Variants in DNHD1 observed in about 807,000 individuals in gnomAD.
DNHD1 encodes dynein heavy chain domain 1.
In DNHD1, 383 loss-of-function variants were observed where a neutral mutation model predicts 458.1. That is an observed-to-expected ratio of 0.84 (90% CI 0.77 to 0.91). The LOEUF (loss-of-function observed/expected upper bound fraction) is 0.91, where lower values mean the gene tolerates loss of function less well. Ranked by LOEUF, DNHD1 falls within the 40% of genes least tolerant of loss-of-function variation. DNHD1 has a pLI of 0.00. For synonymous variants in DNHD1, 2,203 were observed against 2,376.9 expected, an observed-to-expected ratio of 0.93 and a Z score of 2.13; for missense variants, 5,336 against 5,866.1, an observed-to-expected ratio of 0.91 and a Z score of 2.95.
Position 6,565,885 on chromosome 11 carries a change from G to T in DNHD1, c.10947G>T (p.Gly3649=), listed in dbSNP as rs1490795512. The T allele has an allele frequency of 2.6e-6, 4 of 1,551,560 alleles. No homozygotes were observed. Among genetic ancestry groups the T allele is most frequent in the Non-Finnish European group, 3.5e-6 (4 of 1,146,998 alleles). Reference sequence around the variant, plus strand: ...AGGAGGAGAAGACAGAGAGCCAGGGGTCAAAGCCAGCCTATGAGACTCAGC... The same window carrying T: ...AGGAGGAGAAGACAGAGAGCCAGGGTTCAAAGCCAGCCTATGAGACTCAGC... ...EKEEEKTESQ[G]SKPAYETQLP... is the part of the protein sequence containing the mutation. The change falls in exon 33 of 43, where the codon GGG becomes GGT. Residue 3649 remains glycine, a synonymous_variant. Coordinates refer to ENST00000254579, the MANE Select transcript of DNHD1 (RefSeq NM_144666.3).
Position 6,570,231 on chromosome 11 carries a change from C to G in DNHD1, c.12956-16C>G. On this transcript the variant is annotated splice_polypyrimidine_tract_variant and intron_variant, in intron 40 of 42. Coordinates refer to ENST00000254579, the MANE Select transcript of DNHD1 (RefSeq NM_144666.3). ...CTGAAGGTACTGGAACTGAGAGACT[C>G]TAACCTCATCTTCAGCTTCAGTTTT... 3 of 1,613,672 alleles carry G rather than the reference C, an allele frequency of 1.9e-6. No homozygotes were observed. Among genetic ancestry groups the G allele is most frequent in the Non-Finnish European group, 2.5e-6 (3 of 1,179,736 alleles).
At position 6,498,628 on chromosome 11, in the gene DNHD1, G is replaced by T. The variant is rs763978442; in HGVS notation, c.413G>T (p.Ser138Ile). The T allele has an allele frequency of 1.2e-6, 2 of 1,614,232 alleles. No homozygotes were observed. Among genetic ancestry groups the T allele is most frequent in the South Asian group, 2.2e-5 (2 of 91,088 alleles). ...GAIVQAFPPDSSLLDSASHAD... is the reference protein window; with the variant it reads ...GAIVQAFPPDISLLDSASHAD... ...ATTGTCCAGGCCTTTCCTCCAGACA[G>T]CTCTTTGTTAGACAGTGCTTCCCAT... Residue 138 changes from serine (S) to isoleucine (I), a missense_variant, in exon 3 of 43, where the codon AGC (serine) becomes ATC (isoleucine). Ser to Ile is a moderately radical substitution (Grantham distance 142). Transcript: ENST00000254579.
intron 3 of DNHD1, among the ~76,000 whole-genome samples, chr11:6,502,367 G>T (rs1852154484): frequency 6.6e-6 from 1 of 152,196 alleles, no homozygotes; most frequent in African/African-American, 2.4e-5. Context: ...GTTGAGCTGG[G>T]AGGGGAAATC....
intron 10 of DNHD1, among the ~76,000 whole-genome samples, chr11:6,524,006 C>T (rs1852657754): frequency 6.6e-6 from 1 of 152,130 alleles, no homozygotes; most frequent in African/African-American, 2.4e-5. Context: ...AAAATTTTCT[C>T]ATTATAAGCA....
At chr11:6,541,795 T>C (rs996262850) in intron 18 of DNHD1, among the ~76,000 whole-genome samples, 18 of 152,156 alleles carry the variant, frequency 1.2e-4, no homozygotes, top group Non-Finnish European at 8.8e-5. Context: ...GGAATGGAAA[T>C]TGAAAGATCA....
Position 6,502,822 on chromosome 11 carries a change from G to A in DNHD1, c.816G>A (p.Glu272=). The A allele has an allele frequency of 6.2e-7, 1 of 1,613,034 alleles. No homozygotes were observed. Among genetic ancestry groups the A allele is most frequent in the East Asian group, 2.2e-5 (1 of 44,814 alleles). ...FQKSSTGFSP[E]TSFLDSQVMT... ...AGAGCAGCACCGGCTTTTCACCTGA[G>A]ACTTCCTTCCTGGATAGCCAGGTGA... Residue 272 remains glutamate, a synonymous_variant, in exon 4 of 43, where the codon GAG becomes GAA. Coordinates refer to ENST00000254579, the MANE Select transcript of DNHD1 (RefSeq NM_144666.3).
intron 7 of DNHD1, among the ~76,000 whole-genome samples, chr11:6,512,373 A>G (rs1852359016): frequency 1.4e-5 from 2 of 146,262 alleles, no homozygotes; most frequent in African/African-American, 2.7e-5. Context: ...GGCACCCACC[A>G]CCATGCCCGG....
chr11:6,502,898 C>A lies in DNHD1; in HGVS notation c.892C>A (p.Leu298Ile). The A allele has an allele frequency of 1.2e-6, 2 of 1,613,776 alleles. No homozygotes were observed. Among genetic ancestry groups the A allele is most frequent in the South Asian group, 2.2e-5 (2 of 90,966 alleles). Residue 298 changes from leucine (L) to isoleucine (I), a missense_variant, in exon 4 of 43, where the codon CTC becomes ATC. Leu to Ile is a conservative substitution (Grantham distance 5). Transcript: ENST00000254579. The stretch of plus-strand genomic sequence containing the variant: ...CCTGAAGAAGATCCACTTCCTCTAT[C>A]TCAATGTGGCTCCCAGCCGGTACTT... Reference protein sequence around the residue: ...RYLKKIHFLYLNVAPSRYFRP... With the variant: ...RYLKKIHFLYINVAPSRYFRP...
rs4758423 is a variant in DNHD1 at position 6,511,289 on chromosome 11, C to T, written c.1252C>T (p.His418Tyr). The T allele has an allele frequency of 0.31, 496,109 of 1,613,994 alleles. 79,276 individuals are homozygous for T. Among genetic ancestry groups the T allele is most frequent in the Admixed American group, 0.36 (21,889 of 60,014 alleles). ...TGATTCTAGGCTTCTGCAGGAGCTACACTCTGTGTCCTGGCTACCCCAGGA... is the reference window on the plus strand; with the variant it reads ...TGATTCTAGGCTTCTGCAGGAGCTATACTCTGTGTCCTGGCTACCCCAGGA... ...LHISRLLQELHSVSWLPQELD... is the reference protein window; with the variant it reads ...LHISRLLQELYSVSWLPQELD... The change falls in exon 7 of 43, where the codon CAC becomes TAC. Residue 418 changes from histidine (H) to tyrosine (Y), a missense_variant. His to Tyr is a moderately conservative substitution (Grantham distance 83). Coordinates refer to ENST00000254579, the MANE Select transcript of DNHD1 (RefSeq NM_144666.3).
chr11:6,558,386 G>A (rs1281492458), intron 25 of DNHD1, 89 bp downstream of exon 25: 15 of 1,534,600 alleles, frequency 9.8e-6, no homozygotes, highest in Non-Finnish European at 1.3e-5. Context: ...GCTGCCATGA[G>A]GGCTGAGAAG....
intron 35 of DNHD1, 36 bp downstream of exon 35, chr11:6,566,801 A>G: frequency 1.9e-6 from 3 of 1,602,832 alleles, no homozygotes; most frequent in Non-Finnish European, 2.6e-6. Context: ...TGAGATGAGC[A>G]TTGGATGGAC....
intron 7 of DNHD1, among the ~76,000 whole-genome samples, chr11:6,519,296 A>G (rs1852553646): frequency 6.6e-6 from 1 of 152,134 alleles, no homozygotes; most frequent in Non-Finnish European, 1.5e-5. Context: ...GTGCATTGTG[A>G]ACCTCTATAT....
Position 6,566,576 on chromosome 11 carries a change from G to A in DNHD1, c.11207-11G>A. ...GGGGAAGAGGTTAAGCATCTCCCAT[G>A]TTACCCCAAGTGCTAGGTTGTGAAC... On this transcript the variant is annotated splice_polypyrimidine_tract_variant and intron_variant, in intron 34 of 42. Transcript: ENST00000254579. The A allele has an allele frequency of 6.2e-7, 1 of 1,613,014 alleles. No homozygotes were observed. Among genetic ancestry groups the A allele is most frequent in the Non-Finnish European group, 8.5e-7 (1 of 1,179,670 alleles).
In DNHD1 at chr11:6,520,073, C is replaced by G. The variant is rs756242298; in HGVS notation, c.1756C>G (p.Leu586Val). ...ENMIQTLTGG[L>V]QSVKTSALQV... is the part of the protein sequence containing the mutation. ...TATGATCCAGACTCTAACTGGAGGC[C>G]TACAGTCTGTCAAGACCTCTGCCTT... Residue 586 changes from leucine to valine, a missense_variant, in exon 9 of 43, where the codon CTA becomes GTA. Around this residue, in one of 4 missense-constraint regions of DNHD1, gnomAD observed 3,932 missense variants for 4,365.6 expected, o/e 0.90. Transcript: ENST00000254579. 4 of 1,614,074 alleles carry G rather than the reference C, an allele frequency of 2.5e-6. No homozygotes were observed. The highest frequency in any genetic ancestry group is 1.3e-5 in the African/African-American group (1 of 74,922).
intron 10 of DNHD1, 57 bp downstream of exon 10, chr11:6,520,346 G>A: frequency 6.4e-7 from 1 of 1,551,288 alleles, no homozygotes; most frequent in Non-Finnish European, 8.7e-7. Context: ...AAGGGCACAA[G>A]TACTAATGGC....
chr11:6,510,631 G>A (rs566974444), intron 6 of DNHD1, among the ~76,000 whole-genome samples: 3 of 152,190 alleles, frequency 2.0e-5, no homozygotes, highest in Admixed American at 6.5e-5. Flanking sequence ...CTTCAAACTC[G>A]GATAAAGATT....
rs193176928 is a variant in DNHD1 at position 6,526,829 on chromosome 11, G to T, written c.1838-1693G>T. On this transcript the variant is annotated intron_variant, in intron 10 of 42. Coordinates refer to ENST00000254579, the MANE Select transcript of DNHD1 (RefSeq NM_144666.3). ...GACCTTACCTCACCTGTTCTTGGAGGGGGTAAGACCCCCTTCCAGTTTTAC... is the reference window on the plus strand; with the variant it reads ...GACCTTACCTCACCTGTTCTTGGAGTGGGTAAGACCCCCTTCCAGTTTTAC... Among the ~76,000 whole-genome samples, 1,124 of 152,286 alleles carry T rather than the reference G, an allele frequency of 7.4e-3. 13 individuals are homozygous for T. Among genetic ancestry groups the T allele is most frequent in the African/African-American group, 0.026 (1,063 of 41,548 alleles).
At chr11:6,520,476 C>T (rs1852583678) in intron 10 of DNHD1, 187 bp downstream of exon 10, 6 of 1,440,414 alleles carry the variant, frequency 4.2e-6, no homozygotes, top group Non-Finnish European at 5.5e-6. Context: ...TGTTTTTGCT[C>T]ACAAATTCAC....
intron 18 of DNHD1, among the ~76,000 whole-genome samples, chr11:6,541,620 A>T (rs1853099721): frequency 6.6e-6 from 1 of 152,198 alleles, no homozygotes; most frequent in Admixed American, 6.5e-5. Flanking sequence ...GGAACTGGAG[A>T]GGATCAGATC....
Sources: gnomAD v4.1 joint callset for allele counts (sites outside exome capture counted in the v4.1 genomes callset) on GRCh38, gnomAD v4.1.1 for gene constraint, gnomAD v4.1.1 regional missense constraint, MANE v1.5 for transcripts, NCBI Gene and HGNC (gene_info 2026-07-23, HGNC 2026-07-21) for gene names.